The following ADAMTS7 variants were observed in gnomAD, a reference collection of about 807,000 sequenced individuals.
ADAMTS7 encodes ADAM metallopeptidase with thrombospondin type 1 motif 7.
Under a neutral mutation model 172.6 loss-of-function variants are expected in ADAMTS7, and 89 were observed. That is an observed-to-expected ratio of 0.52 (90% CI 0.43 to 0.61). ADAMTS7 has a LOEUF of 0.61. ADAMTS7 is among the 20% of genes least tolerant of loss of function. The pLI is 0.00. For synonymous variants in ADAMTS7, 885 were observed against 978.4 expected (o/e 0.90, Z 1.78); for missense variants, 1,973 against 2,355.6 (o/e 0.84, Z 3.36).
intron 10 of ADAMTS7, 122 bp from the exon 11 acceptor site, chr15:78,776,455 G>C (rs2055347376): frequency 7.2e-7 from 1 of 1,381,258 alleles, no homozygotes; most frequent in Admixed American, 2.1e-5. Context: ...TGGAAGGTGA[G>C]AGAGGCACCC....
rs116732052 is a variant in ADAMTS7 at position 78,804,498 on chromosome 15, G to A, written c.101-3951C>T. Among the ~76,000 whole-genome samples the A allele has an allele frequency of 9.5e-3, 1,444 of 152,290 alleles. 18 individuals carry two copies. Among genetic ancestry groups the A allele is most frequent in the African/African-American group, 0.032 (1,312 of 41,556 alleles). On this transcript the variant is annotated intron_variant, in intron 1 of 23. Coordinates refer to ENST00000388820, the MANE Select transcript of ADAMTS7 (RefSeq NM_014272.5). ...TTCAGGCTCGCATGAATGCCTGAGC[G>A]CCCTGCTGACATCCCACCAGGGTTC...
intron 16 of ADAMTS7, among the ~76,000 whole-genome samples, 157 bp from the exon 17 acceptor site, chr15:78,768,416 G>T (rs112729717): frequency 6.6e-6 from 1 of 152,134 alleles, no homozygotes; most frequent in Non-Finnish European, 1.5e-5. Flanking sequence ...GACCTCCACC[G>T]TCGCCTCCTC....
At chr15:78,808,828 A>G (rs2055829901) in intron 1 of ADAMTS7, among the ~76,000 whole-genome samples, 1 of 152,218 alleles carries the variant, frequency 6.6e-6, no homozygotes, top group African/African-American at 2.4e-5. Context: ...GGCCAAATCT[A>G]TTCTGCCAAG....
At position 78,796,720 on chromosome 15, in the gene ADAMTS7, A is replaced by AGCC; in HGVS notation, c.686_688dup (p.Arg229dup). ...GACCGACCGCTGGTGTAGACGCCTC[A>AGCC]GCCGTGGCCGCCGCCACTGCTGCCG... On this transcript the variant is annotated inframe_insertion, in exon 4 of 24. Transcript: ENST00000388820. 6.2e-7 allele frequency: 1 copy of AGCC among 1,612,208 alleles called. No homozygotes were observed. The highest frequency in any genetic ancestry group is 8.5e-7 in the Non-Finnish European group (1 of 1,179,790).
chr15:78,809,259 T>C (rs997037226), intron 1 of ADAMTS7, among the ~76,000 whole-genome samples: 2 of 152,030 alleles, frequency 1.3e-5, no homozygotes, highest in African/African-American at 4.8e-5. Flanking sequence ...AGCCCTTTGG[T>C]CTTAAAGAAG....
rs201688179 is a variant in ADAMTS7, at chr15:78,768,207, G to A, written c.2571C>T (p.Asp857=). The A allele has an allele frequency of 3.7e-6, 6 of 1,610,222 alleles. No individual in the cohort carries two copies. The highest frequency in any genetic ancestry group is 2.2e-5 in the South Asian group (2 of 90,862). The change falls in exon 17 of 24, where the codon GAC becomes GAT. Residue 857 remains aspartate (D), a synonymous_variant. Transcript: ENST00000388820. ...YCLERQAGPV[D]EEHCDPLGRP... ...GGCCCAGGGGGTCACAGTGCTCCTC[G>A]TCCACGGGCCCTGCCTGCCGCTCCA...
chr15:78,794,436 C>A (rs1375088297), intron 4 of ADAMTS7, among the ~76,000 whole-genome samples: 1 of 152,142 alleles, frequency 6.6e-6, no homozygotes, highest in African/African-American at 2.4e-5. Flanking sequence ...CCTGCAGCCT[C>A]CTAGGGGGTC....
rs140855059 is a variant in ADAMTS7 at position 78,798,051 on chromosome 15, G to A, written c.519C>T (p.Ala173=). Residue 173 remains alanine, a synonymous_variant, in exon 3 of 24, where the codon GCC becomes GCT. Transcript: ENST00000388820. The part of the protein sequence containing the change: ...YFIEPLDSAP[A]RPGHAQPHVV... Reference sequence around the variant, plus strand: ...CATGGGGCTGGGCGTGGCCAGGCCGGGCCGGGGCACTGTCCAGGGGCTCAA... The same window carrying A: ...CATGGGGCTGGGCGTGGCCAGGCCGAGCCGGGGCACTGTCCAGGGGCTCAA... 6.2e-5 allele frequency: 98 copies of A among 1,570,684 alleles called. No homozygotes were observed. Among genetic ancestry groups the A allele is most frequent in the Non-Finnish European group, 7.8e-5 (91 of 1,165,706 alleles).
At chr15:78,760,836 T>G (rs1402468425) in intron 23 of ADAMTS7, among the ~76,000 whole-genome samples, 1 of 151,922 alleles carries the variant, frequency 6.6e-6, no homozygotes, top group Non-Finnish European at 1.5e-5. Flanking sequence ...CCAGCCCCCA[T>G]AGCCCACTCC....
In ADAMTS7 at chr15:78,771,910, C is replaced by T. The variant is rs1042089006; in HGVS notation, c.2132-81G>A. 4 of 1,535,402 alleles carry T rather than the reference C, an allele frequency of 2.6e-6. No homozygotes were observed. The African/African-American group carries it at 5.4e-5, about 21-fold the overall frequency. ...CCACCCGCTCCCCTCATGTCTCTCC[C>T]CACTTGCCTCCGCCTGCTGATGCCA... On this transcript the variant is annotated intron_variant, in intron 14 of 23. Transcript: ENST00000388820. This position sits in a 1 kb window ranked among gnomAD's most constrained non-coding sequence, Gnocchi z 4.9.
chr15:78,767,684 C>T, intron 17 of ADAMTS7, 92 bp from the exon 18 acceptor site: 2 of 1,247,978 alleles, frequency 1.6e-6, no homozygotes, highest in East Asian at 2.6e-5. Flanking sequence ...CTTCCAGGCC[C>T]TCGGCATTTG....
intron 23 of ADAMTS7, 136 bp from the exon 24 acceptor site, chr15:78,759,714 C>T (rs1196460501): frequency 5.0e-5 from 58 of 1,170,510 alleles, no homozygotes; most frequent in East Asian, 5.7e-5. Context: ...GAGCGGCTCC[C>T]GAACCGGAGT....
intron 16 of ADAMTS7, chr15:78,770,930 C>T: frequency 1.7e-6 from 1 of 578,460 alleles, no homozygotes; most frequent in Non-Finnish European, 3.1e-6. Flanking sequence ...AGAGCTGGAG[C>T]ACACTGAACA....
rs2055711157 is a variant in ADAMTS7 at position 78,800,543 on chromosome 15, A to C, written c.105T>G (p.Arg35=). 2 of 1,590,408 alleles carry C rather than the reference A, an allele frequency of 1.3e-6. No individual in the cohort carries two copies. The highest frequency in any genetic ancestry group is 1.7e-6 in the Non-Finnish European group (2 of 1,168,942). ...APGAPGPAPG[R]ATEGRAALDI... Reference sequence around the variant, plus strand: ...CCAGTGCCGCCCGGCCCTCGGTTGCACGTCCTGCAGGGAGAGAACCACAAA... The same window carrying C: ...CCAGTGCCGCCCGGCCCTCGGTTGCCCGTCCTGCAGGGAGAGAACCACAAA... The change falls in exon 2 of 24, where the codon CGT becomes CGG. Residue 35 remains arginine, a synonymous_variant. Coordinates refer to ENST00000388820, the MANE Select transcript of ADAMTS7 (RefSeq NM_014272.5).
chr15:78,778,863 G>C (rs1018966924), intron 8 of ADAMTS7, among the ~76,000 whole-genome samples: 2 of 152,164 alleles, frequency 1.3e-5, no homozygotes, highest in African/African-American at 4.8e-5. Flanking sequence ...GGGAGAGAAA[G>C]AGACACTCCG....
At position 78,766,522 on chromosome 15, in the gene ADAMTS7, G is replaced by A. The variant is rs776707223; in HGVS notation, c.3389C>T (p.Pro1130Leu). 143 of 1,582,942 alleles carry A rather than the reference G, an allele frequency of 9.0e-5. 3 individuals are homozygous for A. The highest frequency in any genetic ancestry group is 4.6e-4 in the Middle Eastern group (2 of 4,344). Residue 1130 changes from proline (P) to leucine (L), a missense_variant, in exon 19 of 24, where the codon CCG becomes CTG. Pro to Leu is a moderately conservative substitution (Grantham distance 98). Around this residue, in one of 8 missense-constraint regions of ADAMTS7, gnomAD observed 771 missense variants for 952.6 expected, o/e 0.81. Transcript: ENST00000388820. ...GCCGGCCTGGCTAGGCCAAGGGCTC[G>A]GGGACCAAGGTCCCAGTACCCCCTC... The part of the protein sequence containing the change: ...KEEGVLGPWS[P>L]SPWPSQAGRS...
At chr15:78,761,943 C>A (rs2055051656) in intron 23 of ADAMTS7, 1 of 985,304 alleles carries the variant, frequency 1.0e-6, no homozygotes, top group Non-Finnish European at 1.2e-6. Flanking sequence ...GGAAAGGAGG[C>A]CCTTCCTGTG....
At chr15:78,768,094 A>C in intron 17 of ADAMTS7, 39 bp downstream of exon 17, 1 of 712,466 alleles carries the variant, frequency 1.4e-6, no homozygotes. Context: ...TTGGCGGGGG[A>C]TGGGGTGGGG....
At chr15:78,777,157 C>T in intron 9 of ADAMTS7, 2 of 571,696 alleles carry the variant, frequency 3.5e-6, no homozygotes, top group Non-Finnish European at 6.2e-6. Context: ...CAGACCCTCT[C>T]CACAGGGGTT....
Sources: allele counts gnomAD v4.1 joint callset (sites outside exome capture counted in the v4.1 genomes callset), GRCh38; gene constraint gnomAD v4.1.1; regional missense constraint gnomAD v4.1.1; non-coding constraint Gnocchi (gnomAD v3.1); transcripts MANE v1.5; gene names NCBI Gene and HGNC (gene_info 2026-07-23, HGNC 2026-07-21).